The following MPC1 variants were observed in gnomAD, a reference collection of about 807,000 sequenced individuals.
MPC1 encodes HSPC040 protein.
Under a neutral mutation model 13.9 loss-of-function variants are expected in MPC1, and 6 were observed. The observed-to-expected ratio is 0.43, with a 90% CI of 0.24 to 0.85. The LOEUF (loss-of-function observed/expected upper bound fraction) is 0.85. Among genes scored for constraint, MPC1 ranks in the 40% least tolerant of loss-of-function variants. The pLI, the probability that MPC1 is intolerant of heterozygous loss-of-function variation, is 0.24. For missense variants in MPC1, 115 were observed against 143.3 expected (o/e 0.80, Z 1.01); for synonymous variants, 47 against 50.5 (o/e 0.93, Z 0.29).
At chr6:166,372,378 A>T (rs930565832) in intron 1 of MPC1, among the ~76,000 whole-genome samples, 5 of 152,202 alleles carry the variant, frequency 3.3e-5, no homozygotes, top group African/African-American at 1.2e-4. Context: ...TTACAAATGT[A>T]TGAGAATAAG....
chr6:166,382,937 T>A lies in MPC1; in HGVS notation c.-61A>T, dbSNP rs1411987322. ...CTCTGCTGCCGCTTCCCAGAGCCAA[T>A]GACACCCCGGCCAACCCCCCGGCAG... On this transcript the variant is annotated 5_prime_UTR_variant, in exon 1 of 5. Transcript: ENST00000360961. 3.9e-6 allele frequency: 6 copies of A among 1,533,474 alleles called. No individual in the cohort carries two copies. Among genetic ancestry groups the A allele is most frequent in the Non-Finnish European group, 5.3e-6 (6 of 1,136,132 alleles). 95.0% of individuals were successfully genotyped at this position (1,533,474 alleles called of 1,614,324 possible).
Position 166,373,607 on chromosome 6 carries a change from G to A in MPC1, c.72-3386C>T, listed in dbSNP as rs1360968503. Among the ~76,000 whole-genome samples, 8 of 152,202 alleles carry A rather than the reference G, an allele frequency of 5.3e-5. No individual in the cohort carries two copies. In the South Asian group the frequency reaches 1.0e-3, roughly 20 times the overall value. ...TAAAAATCCACATACAGGTTTTCGT[G>A]TGGATCTAAGGGTTCAACTCCTAGG... On this transcript the variant is annotated intron_variant, in intron 1 of 4. Transcript: ENST00000360961.
At position 166,370,233 on chromosome 6, in the gene MPC1, AG is replaced by A. The variant is rs1234151302; in HGVS notation, c.72-13del. On this transcript the variant is annotated splice_polypyrimidine_tract_variant and intron_variant, in intron 1 of 4. Coordinates refer to ENST00000360961, the MANE Select transcript of MPC1 (RefSeq NM_016098.4). Reference sequence around the variant, plus strand: ...ATTTTCTTACCGTACTATTTTGTGAAGAGTCACCGAAGTTCAGACAGGACAG... The same window carrying A: ...ATTTTCTTACCGTACTATTTTGTGAAAGTCACCGAAGTTCAGACAGGACAG... 1.3e-6 allele frequency: 1 copy of A among 775,610 alleles called. No individual in the cohort carries two copies. The highest frequency in any genetic ancestry group is 2.4e-6 in the Non-Finnish European group (1 of 415,198). The allele number at this position is 775,610 out of a possible 1,614,324, so 48.0% of individuals were successfully genotyped here.
intron 1 of MPC1, among the ~76,000 whole-genome samples, chr6:166,376,970 T>A (rs1325006518): frequency 6.6e-6 from 1 of 152,164 alleles, no homozygotes; most frequent in Non-Finnish European, 1.5e-5. Flanking sequence ...ATTGATATAG[T>A]TGTATTACTA....
intron 1 of MPC1, among the ~76,000 whole-genome samples, chr6:166,376,229 A>G (rs1207237075): frequency 6.6e-6 from 1 of 152,152 alleles, no homozygotes; most frequent in African/African-American, 2.4e-5. Context: ...TATAGAAGTA[A>G]TAAGTTTCAC....
intron 1 of MPC1, among the ~76,000 whole-genome samples, chr6:166,380,975 CGGTT>C (rs1779758708): frequency 7.4e-6 from 1 of 135,750 alleles, no homozygotes; most frequent in African/African-American, 2.7e-5. Context: ...GAAAAGAAAA[CGGTT>C]AAGTAATTAT....
intron 1 of MPC1, among the ~76,000 whole-genome samples, chr6:166,373,587 A>G (rs897573106): frequency 2.0e-5 from 3 of 152,212 alleles, no homozygotes; most frequent in African/African-American, 7.2e-5. Context: ...CTCTATAAAA[A>G]TCCACATACA....
At position 166,365,335 on chromosome 6, in the gene MPC1, A is replaced by C; in HGVS notation, c.*94T>G. The C allele has an allele frequency of 9.1e-7, 1 of 1,104,278 alleles. No individual in the cohort carries two copies. Among genetic ancestry groups the C allele is most frequent in the East Asian group, 3.0e-5 (1 of 33,302 alleles). The allele number at this position is 1,104,278 out of a possible 1,614,324, so 68.4% of individuals were successfully genotyped here. On this transcript the variant is annotated 3_prime_UTR_variant, in exon 5 of 5. Coordinates refer to ENST00000360961, the MANE Select transcript of MPC1 (RefSeq NM_016098.4). This position sits in a 1 kb window ranked among gnomAD's most constrained non-coding sequence, Gnocchi z 4.2. ...GGTTAGTAAAAATAGCATTCAGTGT[A>C]TTTTCCTTAGGGAGGCTATTTATAA...
chr6:166,379,670 T>TA (rs1779696053), intron 1 of MPC1, among the ~76,000 whole-genome samples: 1 of 152,212 alleles, frequency 6.6e-6, no homozygotes, highest in East Asian at 1.9e-4. Context: ...AGAAAACCTC[T>TA]AGACCCCTTC....
intron 1 of MPC1, among the ~76,000 whole-genome samples, chr6:166,376,793 T>C (rs1000849726): frequency 6.6e-6 from 1 of 152,232 alleles, no homozygotes; most frequent in Non-Finnish European, 1.5e-5. Context: ...TCTTGATTAA[T>C]GTTAACATGG....
intron 1 of MPC1, among the ~76,000 whole-genome samples, chr6:166,372,601 C>G (rs934712118): frequency 1.3e-5 from 2 of 152,100 alleles, no homozygotes; most frequent in African/African-American, 4.8e-5. Context: ...ATACAAAACA[C>G]TACAACTCAA....
Position 166,365,523 on chromosome 6 carries a change from G to A in MPC1, c.306-70C>T. ...AATGCCAATCGCAAGGGCTTTGGAT[G>A]GCTTTTAAAAGACACCTTTACATAA... On this transcript the variant is annotated intron_variant, in intron 4 of 4. Coordinates refer to ENST00000360961, the MANE Select transcript of MPC1 (RefSeq NM_016098.4). This position sits in a 1 kb window ranked among gnomAD's most constrained non-coding sequence, Gnocchi z 4.2. 1 of 1,330,182 alleles carries A rather than the reference G, an allele frequency of 7.5e-7. No individual in the cohort carries two copies. 82.4% of individuals were successfully genotyped at this position (1,330,182 alleles called of 1,614,324 possible).
intron 2 of MPC1, chr6:166,369,079 G>T: frequency 2.6e-6 from 1 of 385,082 alleles, no homozygotes; most frequent in Non-Finnish European, 3.6e-6. Flanking sequence ...AAGTAGCCTT[G>T]GGAGATTCCT....
intron 1 of MPC1, among the ~76,000 whole-genome samples, chr6:166,375,598 T>C (rs1263061128): frequency 6.6e-6 from 1 of 152,178 alleles, no homozygotes; most frequent in African/African-American, 2.4e-5. Context: ...ATAAGTTGTG[T>C]TTGCACTTTT....
chr6:166,365,357 ATAATGAAAT>A lies in MPC1; in HGVS notation c.*63_*71del. 7.6e-7 allele frequency: 1 copy of A among 1,309,356 alleles called. No homozygotes were observed. The highest frequency in any genetic ancestry group is 2.8e-5 in the East Asian group (1 of 36,258). The allele number at this position is 1,309,356 out of a possible 1,614,324, so 81.1% of individuals were successfully genotyped here. On this transcript the variant is annotated 3_prime_UTR_variant, in exon 5 of 5. Transcript: ENST00000360961. This position sits in a 1 kb window ranked among gnomAD's most constrained non-coding sequence, Gnocchi z 4.2. Reference sequence around the variant, plus strand: ...TGTATTTTCCTTAGGGAGGCTATTTATAATGAAATCTGTGACTCAGCAGCAGCTGGCAAT... The same window carrying A: ...TGTATTTTCCTTAGGGAGGCTATTTACTGTGACTCAGCAGCAGCTGGCAAT...
chr6:166,369,878 C>T (rs1779309897), intron 2 of MPC1: 5 of 433,282 alleles, frequency 1.2e-5, no homozygotes, highest in Non-Finnish European at 2.2e-5. Context: ...CTCCACCCTA[C>T]AGGAAAAAAT....
chr6:166,367,255 C>G (rs958919942), intron 2 of MPC1: 3 of 868,650 alleles, frequency 3.5e-6, no homozygotes, highest in Non-Finnish European at 4.3e-6. Flanking sequence ...TAATTCAAAC[C>G]CTGTTAGAAC....
In MPC1 at chr6:166,378,418, A is replaced by ATGTGTGTGTGTG. The variant is rs3049292; in HGVS notation, c.71+4376_71+4387dup. Among the ~76,000 whole-genome samples the ATGTGTGTGTGTG allele has an allele frequency of 6.9e-4, 103 of 149,976 alleles. 1 individual carries two copies. The highest frequency in any genetic ancestry group is 2.1e-3 in the African/African-American group (84 of 40,902). On this transcript the variant is annotated intron_variant, in intron 1 of 4. Transcript: ENST00000360961. ...ATCCTCTGCACACATATACAAATAC[A>ATGTGTGTGTGTG]TGTGTGTGTGTGTGTGTGTGTGTGT...
intron 1 of MPC1, among the ~76,000 whole-genome samples, chr6:166,375,721 T>C (rs1779545404): frequency 6.6e-6 from 1 of 152,246 alleles, no homozygotes; most frequent in African/African-American, 2.4e-5. Flanking sequence ...CTTTCGTTAG[T>C]GACTTCTAGT....
Sources: allele counts gnomAD v4.1 joint callset (sites outside exome capture counted in the v4.1 genomes callset), GRCh38; gene constraint gnomAD v4.1.1; non-coding constraint Gnocchi (gnomAD v3.1); transcripts MANE v1.5; gene names NCBI Gene and HGNC (gene_info 2026-07-23, HGNC 2026-07-21).